Variants in RNF2 observed in about 807,000 individuals in gnomAD.
RNF2 encodes the protein ring finger protein 2.
A neutral mutation model predicts 37.2 loss-of-function variants in RNF2; 6 were observed. That is an observed-to-expected ratio of 0.16 (90% confidence interval 0.09 to 0.32). The LOEUF (loss-of-function observed/expected upper bound fraction) is 0.32, where lower values mean the gene tolerates loss of function less well. RNF2 is among the 10% of genes least tolerant of loss of function. The pLI is 1.00. For missense variants in RNF2, 251 were observed against 404.0 expected (o/e 0.62, Z 3.25); for synonymous variants, 133 against 132.7 (o/e 1.00, Z -0.02).
At chr1:185,053,751 C>T (rs1650343626) in intron 1 of RNF2, among the ~76,000 whole-genome samples, 1 of 152,106 alleles carries the variant, frequency 6.6e-6, no homozygotes, top group South Asian at 2.1e-4. Context: ...ATGTGTGGTA[C>T]GTAATAGGCT....
intron 1 of RNF2, among the ~76,000 whole-genome samples, chr1:185,082,345 CTTTTTTTTTT>C (rs3036553): frequency 2.8e-5 from 2 of 72,000 alleles, no homozygotes; most frequent in Non-Finnish European, 5.8e-5. Context: ...CTCTGCAGAA[CTTTTTTTTTT>C]TTTTTTTTTT....
At chr1:185,094,342 C>T (rs1277582428) in intron 4 of RNF2, among the ~76,000 whole-genome samples, 1 of 151,922 alleles carries the variant, frequency 6.6e-6, no homozygotes, top group African/African-American at 2.4e-5. Context: ...TGGGGTTTCA[C>T]CATATTGGCG....
At chr1:185,070,492 T>TG (rs1175464777) in intron 1 of RNF2, among the ~76,000 whole-genome samples, 1 of 152,164 alleles carries the variant, frequency 6.6e-6, no homozygotes, top group Non-Finnish European at 1.5e-5. Flanking sequence ...TGGGAACAAA[T>TG]GTATGGCCCA....
intron 2 of RNF2, among the ~76,000 whole-genome samples, chr1:185,090,823 T>C (rs991714084): frequency 2.9e-4 from 44 of 152,224 alleles, no homozygotes; most frequent in African/African-American, 1.0e-3. Context: ...GATTCACTAA[T>C]CATTCTGCAG....
chr1:185,076,616 C>T (rs1651173627), intron 1 of RNF2, among the ~76,000 whole-genome samples: 2 of 150,950 alleles, frequency 1.3e-5, no homozygotes, highest in Admixed American at 1.3e-4. Flanking sequence ...TTATGTTAAT[C>T]CTTCCAGAAT....
chr1:185,082,941 A>C (rs943942138), intron 1 of RNF2, among the ~76,000 whole-genome samples: 2 of 152,246 alleles, frequency 1.3e-5, no homozygotes, highest in Non-Finnish European at 2.9e-5. Flanking sequence ...TCCAGTATCA[A>C]ATGGTGAATT....
At chr1:185,054,860 G>C (rs1230011805) in intron 1 of RNF2, among the ~76,000 whole-genome samples, 3 of 152,072 alleles carry the variant, frequency 2.0e-5, no homozygotes, top group Non-Finnish European at 4.4e-5. Context: ...GCCACGCCCG[G>C]CTATTTTTTT....
At chr1:185,070,561 G>C (rs929321197) in intron 1 of RNF2, among the ~76,000 whole-genome samples, 5 of 151,630 alleles carry the variant, frequency 3.3e-5, no homozygotes, top group Admixed American at 6.6e-5. Flanking sequence ...ACCTCAATTA[G>C]TATTATCCTC....
chr1:185,057,961 C>T (rs1557960216), intron 1 of RNF2, among the ~76,000 whole-genome samples: 2 of 151,960 alleles, frequency 1.3e-5, no homozygotes, highest in Admixed American at 1.3e-4. Context: ...CCTGTCTCTA[C>T]AAAAAATACA....
chr1:185,064,641 G>A (rs1482071396), intron 1 of RNF2, among the ~76,000 whole-genome samples: 1 of 152,036 alleles, frequency 6.6e-6, no homozygotes, highest in Admixed American at 6.6e-5. Context: ...AGGTTTATTG[G>A]GATGTAACCC....
At chr1:185,081,592 G>T (rs796513130) in intron 1 of RNF2, among the ~76,000 whole-genome samples, 1 of 89,084 alleles carries the variant, frequency 1.1e-5, no homozygotes, top group African/African-American at 3.2e-5. Context: ...CGGGTGGGGT[G>T]GGGGGGGGCG....
At chr1:185,055,449 C>T (rs1650404562) in intron 1 of RNF2, among the ~76,000 whole-genome samples, 1 of 152,088 alleles carries the variant, frequency 6.6e-6, no homozygotes, top group Non-Finnish European at 1.5e-5. Context: ...TAAATGGGTT[C>T]TCACTTTGCT....
Position 185,101,649 on chromosome 1 carries a change from G to T in RNF2, c.*1348G>T, listed in dbSNP as rs924234132. Reference sequence around the variant, plus strand: ...ATTAACCCTAAAGGGTTTTCAATAGGGTGTAGACCTCCAGTACCTTTGTAA... The same window carrying T: ...ATTAACCCTAAAGGGTTTTCAATAGTGTGTAGACCTCCAGTACCTTTGTAA... On this transcript the variant is annotated 3_prime_UTR_variant, in exon 7 of 7. Coordinates refer to ENST00000367510, the MANE Select transcript of RNF2 (RefSeq NM_007212.4). 6.6e-6 allele frequency: 1 copy of T among 152,110 alleles called. No homozygotes were observed. Among genetic ancestry groups the T allele is most frequent in the East Asian group, 1.9e-4 (1 of 5,186 alleles). 9.4% of individuals were successfully genotyped at this position (152,110 alleles called of 1,614,324 possible).
At chr1:185,091,832 T>C in intron 3 of RNF2, 93 bp downstream of exon 3, 1 of 1,183,028 alleles carries the variant, frequency 8.5e-7, no homozygotes. Context: ...TTTTTTTTTT[T>C]GAGACAGAGT....
intron 1 of RNF2, among the ~76,000 whole-genome samples, chr1:185,077,625 G>GTTTT (rs528747420): frequency 8.6e-6 from 1 of 115,694 alleles, no homozygotes; most frequent in African/African-American, 3.3e-5. Context: ...AATTAACTTT[G>GTTTT]TTTTTTTTTT....
In RNF2 at chr1:185,100,710, T is replaced by G. The variant is rs1180630545; in HGVS notation, c.*409T>G. On this transcript the variant is annotated 3_prime_UTR_variant, in exon 7 of 7. Transcript: ENST00000367510. Reference sequence around the variant, plus strand: ...GTTAAATATTATGTATTCTGACTTTTTTTTTCCCCCGGAGTCTTGTATATT... The same window carrying G: ...GTTAAATATTATGTATTCTGACTTTGTTTTTCCCCCGGAGTCTTGTATATT... 1 of 153,574 alleles carries G rather than the reference T, an allele frequency of 6.5e-6. No individual in the cohort carries two copies. The highest frequency in any genetic ancestry group is 1.5e-5 in the Non-Finnish European group (1 of 68,758). The allele number at this position is 153,574 out of a possible 1,614,324, so 9.5% of individuals were successfully genotyped here.
At chr1:185,065,009 T>C (rs1370839065) in intron 1 of RNF2, among the ~76,000 whole-genome samples, 1 of 152,206 alleles carries the variant, frequency 6.6e-6, no homozygotes, top group Non-Finnish European at 1.5e-5. Flanking sequence ...TATAAGATCA[T>C]GTTGAGAGAT....
intron 1 of RNF2, among the ~76,000 whole-genome samples, chr1:185,079,258 G>A (rs765013073): frequency 2.1e-4 from 32 of 152,006 alleles, no homozygotes; most frequent in Non-Finnish European, 3.4e-4. Context: ...TTAATGAGCT[G>A]TAACTGGAAA....
chr1:185,087,068 CTTT>C (rs1213526554), intron 1 of RNF2, among the ~76,000 whole-genome samples: 2 of 152,074 alleles, frequency 1.3e-5, no homozygotes, highest in African/African-American at 4.8e-5. Flanking sequence ...AGTTTTTCTT[CTTT>C]TTAATTTTTG....
Sources: gnomAD v4.1 joint callset for allele counts (sites outside exome capture counted in the v4.1 genomes callset) on GRCh38, gnomAD v4.1.1 for gene constraint, MANE v1.5 for transcripts, NCBI Gene and HGNC (gene_info 2026-07-23, HGNC 2026-07-21) for gene names.